Variants in TNIK observed in about 807,000 individuals in gnomAD.
The protein encoded by TNIK is TRAF2 and NCK-interacting protein kinase.
Under a neutral mutation model 191.3 loss-of-function variants are expected in TNIK, and 49 were observed. The ratio of observed to expected loss-of-function variants is 0.26; its 90% confidence interval spans 0.20 to 0.32. TNIK has a LOEUF of 0.32. Among genes scored for constraint, TNIK ranks in the 10% least tolerant of loss-of-function variants. The pLI, the probability that TNIK is intolerant of heterozygous loss-of-function variation, is 1.00. For missense variants in TNIK, 1,155 were observed against 1,702.3 expected (o/e 0.68, Z 5.66); for synonymous variants, 594 against 600.9 (o/e 0.99, Z 0.17).
intron 1 of TNIK, among the ~76,000 whole-genome samples, chr3:171,375,144 A>G (rs2108505202): frequency 6.6e-6 from 1 of 152,248 alleles, no homozygotes. Context: ...GGACAGGATT[A>G]CCTCCCTTGG....
At chr3:171,217,551 CA>C (rs1050686044) in intron 3 of TNIK, among the ~76,000 whole-genome samples, 3 of 148,822 alleles carry the variant, frequency 2.0e-5, no homozygotes, top group East Asian at 2.0e-4. Context: ...ATAACAGTTG[CA>C]AAAAAAAAGT....
chr3:171,425,306 T>C (rs1023229144), intron 1 of TNIK, among the ~76,000 whole-genome samples: 16 of 152,198 alleles, frequency 1.1e-4, no homozygotes, highest in South Asian at 4.1e-4. Flanking sequence ...TAACATTAGT[T>C]CACAGCAACA....
chr3:171,245,831 T>C (rs568552545), intron 2 of TNIK, among the ~76,000 whole-genome samples: 4 of 152,326 alleles, frequency 2.6e-5, no homozygotes, highest in Admixed American at 2.6e-4. Flanking sequence ...GACTTTCTTT[T>C]GTTATACATT....
At chr3:171,126,185 T>G in intron 16 of TNIK, 34 bp from the exon 17 acceptor site, 1 of 1,487,314 alleles carries the variant, frequency 6.7e-7, no homozygotes, top group Non-Finnish European at 8.9e-7. Flanking sequence ...ACAGCACTAT[T>G]AGAAGAAAAA....
chr3:171,311,638 C>A (rs1577435751), intron 2 of TNIK, among the ~76,000 whole-genome samples: 1 of 152,130 alleles, frequency 6.6e-6, no homozygotes, highest in African/African-American at 2.4e-5. Flanking sequence ...TATTGAGAAC[C>A]TTCCCCCAGA....
intron 18 of TNIK, among the ~76,000 whole-genome samples, chr3:171,113,324 G>A (rs561892823): frequency 4.6e-5 from 7 of 151,996 alleles, no homozygotes; most frequent in South Asian, 4.2e-4. Flanking sequence ...ATGCTAATTC[G>A]GCCAGGCACG....
chr3:171,376,326 G>T (rs1434893993), intron 1 of TNIK, among the ~76,000 whole-genome samples: 1 of 152,130 alleles, frequency 6.6e-6, no homozygotes, highest in Non-Finnish European at 1.5e-5. Context: ...TCCCTCAAAG[G>T]TAATTTTTTA....
At chr3:171,397,296 T>C (rs1720379269) in intron 1 of TNIK, among the ~76,000 whole-genome samples, 1 of 152,204 alleles carries the variant, frequency 6.6e-6, no homozygotes, top group African/African-American at 2.4e-5. Context: ...GACAGATTGA[T>C]GGACAGAGTG....
chr3:171,170,536 G>A (rs1031952936), intron 9 of TNIK, among the ~76,000 whole-genome samples: 3 of 152,194 alleles, frequency 2.0e-5, no homozygotes, highest in Non-Finnish European at 2.9e-5. Context: ...CAGTTTCCCT[G>A]GCTGCATTCA....
intron 28 of TNIK, among the ~76,000 whole-genome samples, chr3:171,076,909 T>G (rs951077447): frequency 3.3e-5 from 5 of 152,108 alleles, no homozygotes; most frequent in African/African-American, 1.2e-4. Context: ...CTTCTCTCTC[T>G]AGCTTCTTCT....
At chr3:171,253,405 T>C (rs1003800778) in intron 2 of TNIK, among the ~76,000 whole-genome samples, 7 of 152,052 alleles carry the variant, frequency 4.6e-5, no homozygotes, top group Non-Finnish European at 5.9e-5. Flanking sequence ...TCACTCTGGC[T>C]TAATTCTTTC....
rs71634497 is a variant in TNIK at position 171,327,900 on chromosome 3, TAAAAA to T, written c.123+41715_123+41719del. 2.2e-3 allele frequency among the ~76,000 whole-genome samples: 177 copies of T among 79,622 alleles called. 1 individual carries two copies. Among genetic ancestry groups the T allele is most frequent in the African/African-American group, 6.1e-3 (150 of 24,444 alleles). The allele number at this position is 79,622 out of a possible 152,430, so 52.2% of individuals were successfully genotyped here. On this transcript the variant is annotated intron_variant, in intron 2 of 32. Transcript: ENST00000436636. ...ATCTGTGGCTCCCAAACCTGGCTCA[TAAAAA>T]AAAAAAAAAAAAAAAAAAAAAAAAA... is the stretch of plus-strand genomic sequence containing the variant.
chr3:171,219,617 T>C (rs896205951), intron 3 of TNIK, among the ~76,000 whole-genome samples: 6 of 152,144 alleles, frequency 3.9e-5, no homozygotes, highest in African/African-American at 1.4e-4. Context: ...AAGACATTTA[T>C]GCAACCAACA....
At chr3:171,391,697 T>C (rs1218986356) in intron 1 of TNIK, among the ~76,000 whole-genome samples, 1 of 152,236 alleles carries the variant, frequency 6.6e-6, no homozygotes, top group African/African-American at 2.4e-5. Context: ...TTATATTTCT[T>C]TGTGAACTTC....
rs141410946 is a variant in TNIK at position 171,101,420 on chromosome 3, G to A, written c.2591+29C>T. Reference sequence around the variant, plus strand: ...TATTTTGGAAACCTAGTCCCCTCCCGGTCTACACTTTAAAAGTAGTTCTCT... The same window carrying A: ...TATTTTGGAAACCTAGTCCCCTCCCAGTCTACACTTTAAAAGTAGTTCTCT... On this transcript the variant is annotated intron_variant, in intron 22 of 32. Coordinates refer to ENST00000436636, the MANE Select transcript of TNIK (RefSeq NM_015028.4). The A allele has an allele frequency of 4.4e-4, 688 of 1,569,848 alleles. 5 individuals carry two copies. The African/African-American group carries it at 6.1e-3, about 14-fold the overall frequency.
At chr3:171,372,259 G>C (rs980859778) in intron 1 of TNIK, among the ~76,000 whole-genome samples, 1 of 152,194 alleles carries the variant, frequency 6.6e-6, no homozygotes, top group Non-Finnish European at 1.5e-5. Flanking sequence ...CTAGGAGAAG[G>C]TTTTTGCTGG....
At chr3:171,231,312 GT>G (rs1014986137) in intron 2 of TNIK, among the ~76,000 whole-genome samples, 1 of 139,774 alleles carries the variant, frequency 7.2e-6, no homozygotes, top group Non-Finnish European at 1.5e-5. Context: ...TGTTGTTGTT[GT>G]TTTGTTTTTT....
At chr3:171,438,335 G>A (rs958240827) in intron 1 of TNIK, among the ~76,000 whole-genome samples, 1 of 152,146 alleles carries the variant, frequency 6.6e-6, no homozygotes, top group Admixed American at 6.6e-5. Flanking sequence ...CTTTGTTAAG[G>A]TTTGGTTTCC....
At chr3:171,177,094 GCTTT>G (rs1422380185) in intron 8 of TNIK, among the ~76,000 whole-genome samples, 1 of 150,634 alleles carries the variant, frequency 6.6e-6, no homozygotes, top group Non-Finnish European at 1.5e-5. Flanking sequence ...CCCAAAGTAT[GCTTT>G]CTTTTTCTTC....
Sources: allele counts gnomAD v4.1 joint callset (sites outside exome capture counted in the v4.1 genomes callset), GRCh38; gene constraint gnomAD v4.1.1; transcripts MANE v1.5; gene names NCBI Gene and HGNC (gene_info 2026-07-23, HGNC 2026-07-21).